The following COBL variants were observed in gnomAD, a reference collection of about 807,000 sequenced individuals.
COBL encodes the protein protein cordon-bleu.
COBL carries 51 observed loss-of-function variants against 98.8 expected under a neutral mutation model. That is an observed-to-expected ratio of 0.52 (90% CI 0.41 to 0.65). The LOEUF (loss-of-function observed/expected upper bound fraction) is 0.65, where lower values mean the gene tolerates loss of function less well. Among genes scored for constraint, COBL ranks in the 30% least tolerant of loss-of-function variants. The pLI is 0.00. For synonymous variants in COBL, 634 were observed against 651.7 expected (o/e 0.97, Z 0.41); for missense variants, 1,617 against 1,617.5 (o/e 1.00, Z 0.01).
At chr7:51,155,147 C>T (rs76700688) in intron 5 of COBL, among the ~76,000 whole-genome samples, 322 of 152,238 alleles carry the variant, frequency 2.1e-3, no homozygotes, top group Non-Finnish European at 4.0e-3. Flanking sequence ...AGAAGATAAC[C>T]TCTGGAAGAA....
intron 7 of COBL, among the ~76,000 whole-genome samples, chr7:51,059,927 T>C (rs1791156168): frequency 6.6e-6 from 1 of 152,204 alleles, no homozygotes; most frequent in African/African-American, 2.4e-5. Context: ...AGGGAGCATG[T>C]GGTCCTCCAT....
chr7:51,235,722 T>A (rs1795195375), intron 1 of COBL, among the ~76,000 whole-genome samples: 1 of 152,034 alleles, frequency 6.6e-6, no homozygotes, highest in African/African-American at 2.4e-5. Flanking sequence ...AAGTTAACAG[T>A]CTGAGAGGCC....
At chr7:51,213,599 G>A (rs1424307621) in intron 2 of COBL, among the ~76,000 whole-genome samples, 1 of 152,118 alleles carries the variant, frequency 6.6e-6, no homozygotes, top group African/African-American at 2.4e-5. Flanking sequence ...TGTGGAGACA[G>A]GTGACCTGAG....
chr7:51,177,645 C>A (rs888868087), intron 5 of COBL, among the ~76,000 whole-genome samples: 3 of 151,800 alleles, frequency 2.0e-5, no homozygotes, highest in Non-Finnish European at 4.4e-5. Context: ...TGGTAGCAGG[C>A]GCCTGTGATC....
At chr7:51,027,675 G>A (rs754328360) in intron 10 of COBL, 37 bp downstream of exon 10, 3 of 1,544,504 alleles carry the variant, frequency 1.9e-6, no homozygotes, top group Non-Finnish European at 2.7e-6. Context: ...GAAGTGGGCA[G>A]GTGTGGAAGG....
chr7:51,022,307 G>C (rs956127399), intron 12 of COBL, among the ~76,000 whole-genome samples: 3 of 152,208 alleles, frequency 2.0e-5, no homozygotes, highest in African/African-American at 7.2e-5. Context: ...ACTAATCCAA[G>C]AAACAATCAA....
At chr7:51,196,243 C>A (rs1790582269) in intron 2 of COBL, among the ~76,000 whole-genome samples, 1 of 152,148 alleles carries the variant, frequency 6.6e-6, no homozygotes. Flanking sequence ...TCTTCTGCAT[C>A]TTTTGAAATA....
intron 2 of COBL, among the ~76,000 whole-genome samples, chr7:51,202,065 T>C (rs1334376140): frequency 1.3e-5 from 2 of 152,212 alleles, no homozygotes; most frequent in Non-Finnish European, 2.9e-5. Context: ...TGTCATGGTA[T>C]TGCAGTGCTT....
intron 6 of COBL, among the ~76,000 whole-genome samples, chr7:51,095,452 A>C (rs1795188113): frequency 6.6e-6 from 1 of 152,246 alleles, no homozygotes; most frequent in Non-Finnish European, 1.5e-5. Flanking sequence ...GAGTGCCAAC[A>C]GAATAAAAGA....
At chr7:51,143,197 A>C (rs1451720328) in intron 5 of COBL, among the ~76,000 whole-genome samples, 1 of 152,174 alleles carries the variant, frequency 6.6e-6, no homozygotes, top group African/African-American at 2.4e-5. Context: ...GGCATGCCTC[A>C]ATCTGCATGC....
At chr7:51,270,818 G>A (rs1362898392) in intron 1 of COBL, among the ~76,000 whole-genome samples, 1 of 149,544 alleles carries the variant, frequency 6.7e-6, no homozygotes, top group African/African-American at 2.5e-5. Flanking sequence ...TTTATTATTC[G>A]ACTTAAAAAA....
At chr7:51,090,079 T>A (rs1352773873) in intron 6 of COBL, among the ~76,000 whole-genome samples, 2 of 152,206 alleles carry the variant, frequency 1.3e-5, no homozygotes, top group Non-Finnish European at 2.9e-5. Context: ...GAGTTTTCAA[T>A]AAATCCATTT....
intron 2 of COBL, among the ~76,000 whole-genome samples, chr7:51,215,493 A>G (rs1792944229): frequency 6.6e-6 from 1 of 152,212 alleles, no homozygotes; most frequent in Non-Finnish European, 1.5e-5. Context: ...CCAGATGATC[A>G]TACCCACTGA....
chr7:51,212,148 GT>G (rs1468936976), intron 2 of COBL, among the ~76,000 whole-genome samples: 1 of 151,960 alleles, frequency 6.6e-6, no homozygotes, highest in Non-Finnish European at 1.5e-5. Context: ...TGTATTTGTT[GT>G]GGTCTCTGAT....
intron 5 of COBL, among the ~76,000 whole-genome samples, chr7:51,152,869 C>T (rs1184879163): frequency 2.0e-5 from 3 of 152,200 alleles, no homozygotes; most frequent in African/African-American, 7.2e-5. Context: ...TGGGAATGCT[C>T]CAACGGTTCA....
intron 1 of COBL, among the ~76,000 whole-genome samples, chr7:51,257,995 T>C (rs997448331): frequency 4.6e-5 from 7 of 152,182 alleles, no homozygotes; most frequent in Non-Finnish European, 1.0e-4. Context: ...ACAAGGAAAA[T>C]GTATTATTTA....
At chr7:51,071,885 C>T (rs1173698901) in intron 7 of COBL, 2 of 149,556 alleles carry the variant, frequency 1.3e-5, no homozygotes, top group African/African-American at 4.9e-5. Context: ...ATGACTGCTA[C>T]TTATCAGACA....
chr7:51,210,721 C>T (rs1792332192), intron 2 of COBL, among the ~76,000 whole-genome samples: 1 of 152,222 alleles, frequency 6.6e-6, no homozygotes, highest in Non-Finnish European at 1.5e-5. Flanking sequence ...ATGTAAAATT[C>T]AGCTCGATTG....
At chr7:51,178,176 CTCTCTA>C (rs1788590003) in intron 5 of COBL, among the ~76,000 whole-genome samples, 1 of 151,938 alleles carries the variant, frequency 6.6e-6, no homozygotes, top group Non-Finnish European at 1.5e-5. Context: ...CTCCCTCTCT[CTCTCTA>C]TATATATATA....
Sources: allele counts gnomAD v4.1 joint callset (sites outside exome capture counted in the v4.1 genomes callset), GRCh38; gene constraint gnomAD v4.1.1; transcripts MANE v1.5; gene names NCBI Gene and HGNC (gene_info 2026-07-23, HGNC 2026-07-21).